PLA2G4C: variants seen among roughly 807,000 people sequenced by gnomAD.
PLA2G4C encodes phospholipase A2 group IVC, also known as cytosolic phospholipase A2 gamma.
A neutral mutation model predicts 73.8 loss-of-function variants in PLA2G4C; 64 were observed. That is an observed-to-expected ratio of 0.87 (90% CI 0.71 to 1.07). The LOEUF (loss-of-function observed/expected upper bound fraction) is 1.07. PLA2G4C is among the 50% of genes least tolerant of loss of function. The probability of loss-of-function intolerance (pLI) is 0.00; values close to 1 mark genes in which losing one functional copy is unlikely to be tolerated. For synonymous variants in PLA2G4C, 254 were observed against 252.1 expected (o/e 1.01, Z -0.07); for missense variants, 622 against 665.4 (o/e 0.93, Z 0.72).
intron 13 of PLA2G4C, among the ~76,000 whole-genome samples, chr19:48,067,573 A>G (rs1968482104): frequency 6.6e-6 from 1 of 152,148 alleles, no homozygotes; most frequent in African/African-American, 2.4e-5. Flanking sequence ...GCTTTTCACG[A>G]TGACTGGGAC....
At chr19:48,085,416 C>T (rs1485723593) in intron 9 of PLA2G4C, among the ~76,000 whole-genome samples, 1 of 152,182 alleles carries the variant, frequency 6.6e-6, no homozygotes, top group African/African-American at 2.4e-5. Flanking sequence ...GCCAACGTTT[C>T]TCAGCCCACA....
intron 14 of PLA2G4C, among the ~76,000 whole-genome samples, chr19:48,057,477 CTTCTTCTTTTTTTTTT>C (rs1967991555): frequency 5.9e-5 from 1 of 16,850 alleles, no homozygotes; most frequent in African/African-American, 1.7e-4. Context: ...TCTTCTTCTT[CTTCTTCTTTTTTTTTT>C]TTTTTTTTTT....
intron 14 of PLA2G4C, 40 bp downstream of exon 14, chr19:48,061,958 C>T: frequency 4.4e-6 from 7 of 1,605,312 alleles, no homozygotes; most frequent in South Asian, 1.1e-5. Flanking sequence ...CCGCAGCCCA[C>T]CTCCCACCCA....
chr19:48,081,415 C>T (rs1208704881), intron 10 of PLA2G4C, among the ~76,000 whole-genome samples: 1 of 152,068 alleles, frequency 6.6e-6, no homozygotes, highest in East Asian at 1.9e-4. Context: ...AGTGGCATAA[C>T]GGACTTCAGA....
Position 48,054,390 on chromosome 19 carries a change from G to C in PLA2G4C, c.1429+488C>G, listed in dbSNP as rs193245969. On this transcript the variant is annotated intron_variant, in intron 15 of 16. Transcript: ENST00000599921. ...GCGATCTCAGCTCACTGCAACCTCCGCCTCCCAGGTTCAAGCGATTCTCCT... is the reference window on the plus strand; with the variant it reads ...GCGATCTCAGCTCACTGCAACCTCCCCCTCCCAGGTTCAAGCGATTCTCCT... Among the ~76,000 whole-genome samples, 426 of 152,116 alleles carry C rather than the reference G, an allele frequency of 2.8e-3. 3 individuals are homozygous for C. The highest frequency in any genetic ancestry group is 0.024 in the Middle Eastern group (7 of 294).
At chr19:48,074,142 C>T (rs573690813) in intron 12 of PLA2G4C, among the ~76,000 whole-genome samples, 13 of 152,080 alleles carry the variant, frequency 8.5e-5, no homozygotes, top group African/African-American at 1.9e-4. Context: ...TCTCCCCACC[C>T]GCCCCCAACA....
chr19:48,088,472 A>G (rs1434314992), intron 9 of PLA2G4C, among the ~76,000 whole-genome samples: 1 of 152,210 alleles, frequency 6.6e-6, no homozygotes, highest in Admixed American at 6.5e-5. Context: ...CTTTGGTAAT[A>G]TGACAAAACA....
At chr19:48,087,407 A>G (rs949532588) in intron 9 of PLA2G4C, among the ~76,000 whole-genome samples, 3 of 152,196 alleles carry the variant, frequency 2.0e-5, no homozygotes, top group African/African-American at 7.2e-5. Flanking sequence ...TTTCTGGAAC[A>G]TATCAGGGCG....
At chr19:48,094,538 C>A (rs2031472173) in intron 7 of PLA2G4C, among the ~76,000 whole-genome samples, 1 of 152,162 alleles carries the variant, frequency 6.6e-6, no homozygotes, top group South Asian at 2.1e-4. Context: ...ACTCTCACAC[C>A]CACATTTTGA....
intron 14 of PLA2G4C, among the ~76,000 whole-genome samples, chr19:48,055,923 C>T (rs887691653): frequency 1.3e-5 from 2 of 151,842 alleles, no homozygotes; most frequent in African/African-American, 4.8e-5. Context: ...CGCGCCCGGC[C>T]GTAAAGGTAC....
At chr19:48,107,489 C>T (rs993489878) in intron 1 of PLA2G4C, among the ~76,000 whole-genome samples, 4 of 152,190 alleles carry the variant, frequency 2.6e-5, no homozygotes, top group East Asian at 1.9e-4. Flanking sequence ...CTGTCATGCC[C>T]GAATAGGGCC....
intron 16 of PLA2G4C, among the ~76,000 whole-genome samples, chr19:48,051,481 C>G (rs957611174): frequency 1.3e-5 from 2 of 152,104 alleles, no homozygotes; most frequent in Non-Finnish European, 2.9e-5. Context: ...GTTGCAAAAC[C>G]GCAATTACTT....
At chr19:48,055,146 C>T (rs1967889474) in intron 14 of PLA2G4C, 97 bp from the exon 15 acceptor site, 1 of 1,075,080 alleles carries the variant, frequency 9.3e-7, no homozygotes, top group Admixed American at 2.3e-5. Context: ...CCTCAGCTAA[C>T]AGCCCAGACA....
intron 12 of PLA2G4C, 195 bp downstream of exon 12, chr19:48,074,572 A>G (rs2030005570): frequency 1.7e-6 from 1 of 588,256 alleles, no homozygotes; most frequent in Non-Finnish European, 3.0e-6. Context: ...GTCTCCTACA[A>G]TGGTTGAACT....
At chr19:48,090,276 C>A (rs757288490) in intron 8 of PLA2G4C, 88 bp downstream of exon 8, 4 of 945,384 alleles carry the variant, frequency 4.2e-6, no homozygotes, top group Non-Finnish European at 7.0e-6. Flanking sequence ...ACACAGGTCT[C>A]TCTTCTGCCA....
chr19:48,076,027 A>T (rs1459702470), intron 11 of PLA2G4C, among the ~76,000 whole-genome samples: 1 of 152,240 alleles, frequency 6.6e-6, no homozygotes, highest in East Asian at 1.9e-4. Flanking sequence ...CCAGAATCCA[A>T]CCCTACTGGT....
At chr19:48,066,057 A>G (rs1477970767) in intron 13 of PLA2G4C, among the ~76,000 whole-genome samples, 1 of 151,728 alleles carries the variant, frequency 6.6e-6, no homozygotes, top group Non-Finnish European at 1.5e-5. Context: ...ATTGCACTCC[A>G]GCCTGGGCAA....
chr19:48,073,780 A>G (rs1454638226), intron 12 of PLA2G4C, among the ~76,000 whole-genome samples: 1 of 151,890 alleles, frequency 6.6e-6, no homozygotes, highest in African/African-American at 2.4e-5. Flanking sequence ...CGAGAGCAGG[A>G]GCAAGAGAGC....
chr19:48,053,664 C>T (rs922854024), intron 15 of PLA2G4C, among the ~76,000 whole-genome samples: 2 of 136,552 alleles, frequency 1.5e-5, no homozygotes, highest in African/African-American at 3.0e-5. Context: ...TGAGCCACCG[C>T]GCCTGGCCCC....
Sources: allele counts gnomAD v4.1 joint callset (sites outside exome capture counted in the v4.1 genomes callset), GRCh38; gene constraint gnomAD v4.1.1; transcripts MANE v1.5; gene names NCBI Gene and HGNC (gene_info 2026-07-23, HGNC 2026-07-21).